Variants in CAMKMT observed in about 807,000 individuals in gnomAD.
CAMKMT encodes the protein calmodulin-lysine N-methyltransferase.
In CAMKMT, 53 loss-of-function variants were observed where a neutral mutation model predicts 48.0. The ratio of observed to expected loss-of-function variants is 1.10; its 90% confidence interval spans 0.89 to 1.39. The LOEUF (loss-of-function observed/expected upper bound fraction) is 1.39. CAMKMT is among the 40% of genes most tolerant of loss of function. CAMKMT has a pLI of 0.00. For missense variants in CAMKMT, 428 were observed against 402.7 expected, an observed-to-expected ratio of 1.06 and a Z score of -0.54; for synonymous variants, 165 against 152.3, an observed-to-expected ratio of 1.08 and a Z score of -0.61.
chr2:44,427,840 T>C (rs1015139258), intron 3 of CAMKMT, among the ~76,000 whole-genome samples: 5 of 152,164 alleles, frequency 3.3e-5, no homozygotes, highest in African/African-American at 9.7e-5. Context: ...GAGAGTTCCT[T>C]TGACCCCCTC....
At chr2:44,593,138 T>C (rs1670406892) in intron 3 of CAMKMT, among the ~76,000 whole-genome samples, 1 of 152,224 alleles carries the variant, frequency 6.6e-6, no homozygotes, top group Non-Finnish European at 1.5e-5. Context: ...GGACCAGCAA[T>C]ATTTATGTAG....
Position 44,589,359 on chromosome 2 carries a change from C to T in CAMKMT, c.377-114924C>T, listed in dbSNP as rs1273584246. 3.4e-4 allele frequency among the ~76,000 whole-genome samples: 18 copies of T among 53,172 alleles called. 2 individuals carry two copies. The highest frequency in any genetic ancestry group is 8.6e-4 in the African/African-American group (11 of 12,774). 34.9% of individuals were successfully genotyped at this position (53,172 alleles called of 152,430 possible). A position where few individuals can be genotyped will look rare whatever the true frequency, so the allele number is the denominator to read the frequency against. ...CTGGGAAGTGAGGAGCCCCTCTGCC[C>T]GGCCACGACCCCGTCTGGGAGGTGT... is the stretch of plus-strand genomic sequence containing the variant. On this transcript the variant is annotated intron_variant, in intron 3 of 10. Coordinates refer to ENST00000378494, the MANE Select transcript of CAMKMT (RefSeq NM_024766.5).
At chr2:44,762,480 A>C (rs1166703754) in intron 9 of CAMKMT, among the ~76,000 whole-genome samples, 1 of 152,216 alleles carries the variant, frequency 6.6e-6, no homozygotes, top group Admixed American at 6.5e-5. Context: ...TTATTGGCAT[A>C]GCATATTCCT....
chr2:44,527,354 AAT>A (rs1026682151), intron 3 of CAMKMT, among the ~76,000 whole-genome samples: 1 of 143,420 alleles, frequency 7.0e-6, no homozygotes, highest in Admixed American at 7.2e-5. Flanking sequence ...ATACATATAT[AAT>A]ATATATACGT....
intron 7 of CAMKMT, among the ~76,000 whole-genome samples, chr2:44,740,321 G>A (rs531507812): frequency 6.6e-6 from 1 of 151,884 alleles, no homozygotes; most frequent in African/African-American, 2.4e-5. Context: ...GCAGCGAGGG[G>A]GTATCGCCAT....
chr2:44,518,255 A>C (rs750992017), intron 3 of CAMKMT, among the ~76,000 whole-genome samples: 1 of 152,208 alleles, frequency 6.6e-6, no homozygotes, highest in Admixed American at 6.5e-5. Flanking sequence ...TCGAGAATCA[A>C]CAAGGAAGGG....
intron 3 of CAMKMT, among the ~76,000 whole-genome samples, chr2:44,535,888 A>T (rs1285724606): frequency 6.6e-6 from 1 of 152,214 alleles, no homozygotes; most frequent in Non-Finnish European, 1.5e-5. Flanking sequence ...GGCAAGAGGA[A>T]GAATTAAAAG....
At chr2:44,504,254 A>G (rs546931954) in intron 3 of CAMKMT, among the ~76,000 whole-genome samples, 1 of 152,184 alleles carries the variant, frequency 6.6e-6, no homozygotes, top group Non-Finnish European at 1.5e-5. Context: ...TTAATTCCCT[A>G]TCTTCCCCCA....
intron 3 of CAMKMT, among the ~76,000 whole-genome samples, chr2:44,609,543 C>G (rs1214635569): frequency 6.6e-6 from 1 of 152,172 alleles, no homozygotes; most frequent in African/African-American, 2.4e-5. Context: ...TAGACTGCTA[C>G]AAGGAATATA....
At chr2:44,467,280 C>T (rs1668169858) in intron 3 of CAMKMT, among the ~76,000 whole-genome samples, 1 of 152,104 alleles carries the variant, frequency 6.6e-6, no homozygotes, top group African/African-American at 2.4e-5. Flanking sequence ...GCCTGTAATC[C>T]CAGCACTTTG....
At chr2:44,363,026 T>G (rs368361034) in intron 1 of CAMKMT, among the ~76,000 whole-genome samples, 1 of 152,238 alleles carries the variant, frequency 6.6e-6, no homozygotes, top group East Asian at 1.9e-4. Flanking sequence ...GTTTCCCAGC[T>G]ATTGCCACTT....
chr2:44,437,783 C>T (rs902328844), intron 3 of CAMKMT, among the ~76,000 whole-genome samples: 1 of 147,936 alleles, frequency 6.8e-6, no homozygotes, highest in Non-Finnish European at 1.5e-5. Context: ...GAGTTTGAAG[C>T]TGCAGTGATT....
chr2:44,545,681 C>CTT (rs71393283), intron 3 of CAMKMT, among the ~76,000 whole-genome samples: 76,422 of 135,394 alleles, frequency 0.56, 22,795 homozygotes, highest in South Asian at 0.7. Flanking sequence ...TAGACTCGGT[C>CTT]TTTTTTTTTT....
chr2:44,433,373 T>C (rs1684762852), intron 3 of CAMKMT, among the ~76,000 whole-genome samples: 1 of 152,208 alleles, frequency 6.6e-6, no homozygotes. Context: ...GTGGAACTTT[T>C]ACTGAGTTTG....
intron 3 of CAMKMT, among the ~76,000 whole-genome samples, chr2:44,693,128 C>T (rs1356387632): frequency 1.3e-5 from 2 of 152,164 alleles, no homozygotes; most frequent in African/African-American, 4.8e-5. Flanking sequence ...CAAGCCACCA[C>T]CAGCTCTCAT....
intron 3 of CAMKMT, among the ~76,000 whole-genome samples, chr2:44,604,356 A>G (rs998689613): frequency 5.9e-5 from 9 of 152,132 alleles, no homozygotes; most frequent in African/African-American, 1.9e-4. Context: ...TTGTTTCACT[A>G]CCATATTTTA....
At chr2:44,575,016 A>T (rs1304625585) in intron 3 of CAMKMT, among the ~76,000 whole-genome samples, 1 of 152,008 alleles carries the variant, frequency 6.6e-6, no homozygotes, top group Non-Finnish European at 1.5e-5. Context: ...TTAGCCTCCC[A>T]AAGTGCTGGG....
chr2:44,562,376 CAAT>C (rs1668367165), intron 3 of CAMKMT, among the ~76,000 whole-genome samples: 1 of 152,172 alleles, frequency 6.6e-6, no homozygotes, highest in Non-Finnish European at 1.5e-5. Flanking sequence ...CCATTAACAA[CAAT>C]AATAGCTAGC....
In CAMKMT at chr2:44,458,042, C is replaced by CTTTT. The variant is rs541348745; in HGVS notation, c.376+67758_376+67761dup. Among the ~76,000 whole-genome samples the CTTTT allele has an allele frequency of 2.8e-3, 208 of 75,408 alleles. 4 individuals carry two copies. Among genetic ancestry groups the CTTTT allele is most frequent in the African/African-American group, 0.011 (199 of 17,976 alleles). 49.5% of individuals were successfully genotyped at this position (75,408 alleles called of 152,430 possible). On this transcript the variant is annotated intron_variant, in intron 3 of 10. Coordinates refer to ENST00000378494, the MANE Select transcript of CAMKMT (RefSeq NM_024766.5). ...GCATTAGGACTTTGTAGCTTTGTGA[C>CTTTT]TTTTTTTTTTTTTTTTTTTTTTTTG...
Sources: allele counts gnomAD v4.1 joint callset (sites outside exome capture counted in the v4.1 genomes callset), GRCh38; gene constraint gnomAD v4.1.1; transcripts MANE v1.5; gene names NCBI Gene and HGNC (gene_info 2026-07-23, HGNC 2026-07-21).